Variants in SMIM14 observed in about 807,000 individuals in gnomAD.
SMIM14 encodes chromosome 4 open reading frame 34.
Under a neutral mutation model 12.6 loss-of-function variants are expected in SMIM14, and 5 were observed. The observed-to-expected ratio is 0.40, with a 90% CI of 0.21 to 0.83. SMIM14 has a LOEUF of 0.83. Ranked by LOEUF, SMIM14 falls within the 40% of genes least tolerant of loss-of-function variation. SMIM14 has a pLI of 0.37. For missense variants in SMIM14, 86 were observed against 119.1 expected (o/e 0.72, Z 1.29); for synonymous variants, 30 against 40.1 (o/e 0.75, Z 0.95).
chr4:39,601,650 G>C (rs574923122), intron 2 of SMIM14, among the ~76,000 whole-genome samples: 9 of 152,270 alleles, frequency 5.9e-5, no homozygotes, highest in Admixed American at 2.0e-4. Flanking sequence ...TATAAAAGTA[G>C]AAGATAATGG....
At chr4:39,580,419 A>G (rs1273270864) in intron 2 of SMIM14, among the ~76,000 whole-genome samples, 1 of 152,118 alleles carries the variant, frequency 6.6e-6, no homozygotes, top group Non-Finnish European at 1.5e-5. Context: ...GGCTCAAGGA[A>G]TCCTCCCACC....
At chr4:39,592,311 C>T (rs1159208824) in intron 2 of SMIM14, among the ~76,000 whole-genome samples, 2 of 142,424 alleles carry the variant, frequency 1.4e-5, no homozygotes, top group Non-Finnish European at 1.5e-5. Flanking sequence ...CTTTGTTGCT[C>T]AGGCTGGTTT....
chr4:39,621,686 C>CTTTT (rs57206633), intron 1 of SMIM14, among the ~76,000 whole-genome samples: 13 of 105,432 alleles, frequency 1.2e-4, no homozygotes, highest in Non-Finnish European at 2.3e-4. Context: ...CCAAACGTTT[C>CTTTT]TTTTTTTTTT....
At chr4:39,556,379 C>A in intron 4 of SMIM14, 49 bp downstream of exon 4, 1 of 1,567,812 alleles carries the variant, frequency 6.4e-7, no homozygotes, top group Non-Finnish European at 8.6e-7. Flanking sequence ...CTGCCCCAGG[C>A]CACATACATT....
intron 2 of SMIM14, among the ~76,000 whole-genome samples, chr4:39,599,154 T>G (rs1161058455): frequency 1.3e-5 from 2 of 152,198 alleles, no homozygotes; most frequent in Admixed American, 1.3e-4. Context: ...ACTGTGCCAA[T>G]GCCTTCTAGT....
At chr4:39,579,410 CAAAAA>C (rs11300565) in intron 2 of SMIM14, among the ~76,000 whole-genome samples, 1 of 102,234 alleles carries the variant, frequency 9.8e-6, no homozygotes. Context: ...ACAGTGCCTC[CAAAAA>C]AAAAAAAAAA....
In SMIM14 at chr4:39,576,660, G is replaced by GTGTGTATA. The variant is rs1339477098; in HGVS notation, c.76-4198_76-4197insTATACACA. 5.5e-5 allele frequency among the ~76,000 whole-genome samples: 4 copies of GTGTGTATA among 72,378 alleles called. No individual in the cohort carries two copies. The East Asian group carries it at 1.4e-3, about 25-fold the overall frequency. 47.5% of individuals were successfully genotyped at this position (72,378 alleles called of 152,430 possible). ...CTTATACCTATGTGTGTGTGTATGT[G>GTGTGTATA]TATATATATATATATATATATATAT... On this transcript the variant is annotated intron_variant, in intron 2 of 4. Coordinates refer to ENST00000295958, the MANE Select transcript of SMIM14 (RefSeq NM_174921.3).
At chr4:39,561,893 A>G (rs1560283614) in intron 3 of SMIM14, among the ~76,000 whole-genome samples, 2 of 152,066 alleles carry the variant, frequency 1.3e-5, no homozygotes. Context: ...AGATCGTGCC[A>G]CTGCACTCCA....
At chr4:39,570,001 T>G (rs1335695286) in intron 3 of SMIM14, among the ~76,000 whole-genome samples, 2 of 152,204 alleles carry the variant, frequency 1.3e-5, no homozygotes, top group Non-Finnish European at 2.9e-5. Context: ...CTCTTTCCTA[T>G]GTTCTGCCCT....
At chr4:39,565,845 C>T (rs1011843891) in intron 3 of SMIM14, among the ~76,000 whole-genome samples, 14 of 151,960 alleles carry the variant, frequency 9.2e-5, no homozygotes, top group African/African-American at 3.1e-4. Flanking sequence ...GCCTTTCCTG[C>T]GCTCTTCTCA....
chr4:39,573,825 G>T (rs12331531), intron 2 of SMIM14, among the ~76,000 whole-genome samples: 2,364 of 152,222 alleles, frequency 0.016, 51 homozygotes, highest in African/African-American at 0.054. Context: ...TACAATGGGG[G>T]AGTAGAGAAG....
intron 1 of SMIM14, among the ~76,000 whole-genome samples, chr4:39,608,751 A>C (rs1714908266): frequency 1.3e-5 from 2 of 152,340 alleles, no homozygotes; most frequent in African/African-American, 4.8e-5. Context: ...AATTAATGTC[A>C]CCAAACTGTA....
intron 2 of SMIM14, among the ~76,000 whole-genome samples, chr4:39,581,721 A>G (rs12644786): frequency 0.88 from 132,224 of 150,732 alleles, 58,974 homozygotes; most frequent in Non-Finnish European, 0.96. Context: ...CAACCACCAC[A>G]CCTGGCTGTT....
chr4:39,614,012 G>A (rs1448908601), intron 1 of SMIM14, among the ~76,000 whole-genome samples: 1 of 151,866 alleles, frequency 6.6e-6, no homozygotes, highest in East Asian at 1.9e-4. Flanking sequence ...CCAATATGGT[G>A]TGAAACCCAG....
chr4:39,573,627 A>G (rs1335680107), intron 2 of SMIM14, among the ~76,000 whole-genome samples: 1 of 152,236 alleles, frequency 6.6e-6, no homozygotes, highest in Non-Finnish European at 1.5e-5. Flanking sequence ...GGAAAGTGCT[A>G]AACTGTAGAG....
intron 2 of SMIM14, among the ~76,000 whole-genome samples, chr4:39,585,191 T>C (rs1167986496): frequency 1.3e-5 from 2 of 151,932 alleles, no homozygotes; most frequent in Non-Finnish European, 2.9e-5. Flanking sequence ...TGAAGTGGGA[T>C]GGATGAGTGG....
intron 3 of SMIM14, among the ~76,000 whole-genome samples, chr4:39,560,250 CTT>C (rs773257583): frequency 2.8e-5 from 4 of 140,748 alleles, no homozygotes; most frequent in Admixed American, 7.3e-5. Flanking sequence ...CTTTTCTTTT[CTT>C]TTTTTTTTTT....
intron 3 of SMIM14, among the ~76,000 whole-genome samples, chr4:39,566,130 G>A (rs1245625887): frequency 6.6e-6 from 1 of 150,832 alleles, no homozygotes; most frequent in Non-Finnish European, 1.5e-5. Context: ...ACGAGATGAT[G>A]ATGGCCTAGA....
At chr4:39,590,282 G>A (rs370496374) in intron 2 of SMIM14, among the ~76,000 whole-genome samples, 4 of 147,066 alleles carry the variant, frequency 2.7e-5, no homozygotes, top group East Asian at 2.1e-4. Context: ...GCGTGGTGGC[G>A]CTTGCCTGTA....
Sources: allele counts gnomAD v4.1 joint callset (sites outside exome capture counted in the v4.1 genomes callset), GRCh38; gene constraint gnomAD v4.1.1; transcripts MANE v1.5; gene names NCBI Gene and HGNC (gene_info 2026-07-23, HGNC 2026-07-21).